Variants in SFXN4 observed in about 807,000 individuals in gnomAD.
SFXN4 encodes the protein sideroflexin-4.
In SFXN4, 48 loss-of-function variants were observed where a neutral mutation model predicts 54.6. That is an observed-to-expected ratio of 0.88 (90% CI 0.70 to 1.12). SFXN4 has a LOEUF of 1.12. Ranked by LOEUF, SFXN4 falls within the 50% of genes most tolerant of loss-of-function variation. The pLI, the probability that SFXN4 is intolerant of heterozygous loss-of-function variation, is 0.00. For missense variants in SFXN4, 383 were observed against 409.2 expected (o/e 0.94, Z 0.55); for synonymous variants, 130 against 145.5 (o/e 0.89, Z 0.77).
At chr10:119,150,935 T>C (rs1160685781) in intron 11 of SFXN4, among the ~76,000 whole-genome samples, 2 of 152,052 alleles carry the variant, frequency 1.3e-5, no homozygotes, top group Non-Finnish European at 2.9e-5. Context: ...GGAATACTAC[T>C]CAGCAATGAA....
chr10:119,146,159 TAAG>T (rs945521377), intron 13 of SFXN4, 74 bp downstream of exon 13: 2 of 841,364 alleles, frequency 2.4e-6, no homozygotes, highest in Non-Finnish European at 3.9e-6. Flanking sequence ...TGCAGAGTTT[TAAG>T]AAGAATAACT....
At chr10:119,144,184 T>C (rs189541345) in intron 13 of SFXN4, among the ~76,000 whole-genome samples, 72 of 152,232 alleles carry the variant, frequency 4.7e-4, no homozygotes, top group East Asian at 1.2e-3. Flanking sequence ...CAGCCGGGCG[T>C]GGTGGCTCAC....
chr10:119,160,511 G>C (rs1281273027), intron 5 of SFXN4, among the ~76,000 whole-genome samples: 3 of 51,276 alleles, frequency 5.9e-5, no homozygotes, highest in Non-Finnish European at 9.2e-5. Context: ...GCAAGACACT[G>C]TTTCAAAAAA....
intron 1 of SFXN4, 182 bp downstream of exon 1, chr10:119,165,355 G>A (rs1456492953): frequency 1.5e-6 from 2 of 1,310,498 alleles, no homozygotes; most frequent in Non-Finnish European, 9.7e-7. Context: ...TTTCCCCTGC[G>A]TCCCCTGCCG....
chr10:119,165,335 G>A, intron 1 of SFXN4: 1 of 1,295,958 alleles, frequency 7.7e-7, no homozygotes, highest in Non-Finnish European at 9.8e-7. Flanking sequence ...TGGGCATCTG[G>A]CAGCTTCGAT....
At chr10:119,150,081 C>A (rs761832616) in intron 11 of SFXN4, among the ~76,000 whole-genome samples, 4 of 152,010 alleles carry the variant, frequency 2.6e-5, no homozygotes, top group Non-Finnish European at 5.9e-5. Context: ...CTTCCAGGGA[C>A]AGGGAAGTGA....
At chr10:119,146,195 A>AG in intron 13 of SFXN4, 41 bp downstream of exon 13, 1 of 1,107,758 alleles carries the variant, frequency 9.0e-7, no homozygotes, top group East Asian at 2.4e-5. Context: ...CTAACTGCAA[A>AG]ATAAAAAACT....
chr10:119,165,250 CA>C (rs1337202617), intron 1 of SFXN4: 1 of 1,146,180 alleles, frequency 8.7e-7, no homozygotes, highest in East Asian at 5.6e-5. Flanking sequence ...AGCCACAGCT[CA>C]GGCAGTAGGG....
chr10:119,143,240 G>A (rs893794841), intron 13 of SFXN4, among the ~76,000 whole-genome samples: 2 of 152,046 alleles, frequency 1.3e-5, no homozygotes, highest in African/African-American at 2.4e-5. Flanking sequence ...GCAGCCTCAC[G>A]TGCCCATTCA....
intron 11 of SFXN4, among the ~76,000 whole-genome samples, chr10:119,153,774 C>A (rs995525467): frequency 6.6e-6 from 1 of 152,148 alleles, no homozygotes; most frequent in Non-Finnish European, 1.5e-5. Flanking sequence ...GTCAGCCTCA[C>A]GGGTCACCAT....
At chr10:119,161,561 T>C (rs140859926) in intron 3 of SFXN4, among the ~76,000 whole-genome samples, 332 of 152,056 alleles carry the variant, frequency 2.2e-3, no homozygotes, top group Non-Finnish European at 3.8e-3. Context: ...ATTTACCACA[T>C]TGACAGAACA....
At chr10:119,152,271 G>A (rs1340986238) in intron 11 of SFXN4, among the ~76,000 whole-genome samples, 1 of 150,534 alleles carries the variant, frequency 6.6e-6, no homozygotes, top group African/African-American at 2.4e-5. Flanking sequence ...TGCAGTCCCA[G>A]GTGGTTTTTG....
intron 12 of SFXN4, among the ~76,000 whole-genome samples, chr10:119,147,529 T>C (rs1466703177): frequency 2.0e-5 from 3 of 152,140 alleles, no homozygotes; most frequent in Non-Finnish European, 4.4e-5. Context: ...TGGAAGGTCC[T>C]TCGACACGCC....
chr10:119,141,796 C>T (rs1277242135), intron 13 of SFXN4, among the ~76,000 whole-genome samples: 1 of 152,164 alleles, frequency 6.6e-6, no homozygotes, highest in Non-Finnish European at 1.5e-5. Flanking sequence ...CTTAGGGAGG[C>T]TGAGGCAGGT....
intron 11 of SFXN4, among the ~76,000 whole-genome samples, chr10:119,151,194 C>G (rs868390205): frequency 2.7e-4 from 41 of 152,190 alleles, no homozygotes; most frequent in Middle Eastern, 6.8e-3. Flanking sequence ...ATGGTGAAAC[C>G]CCGTCTCTAC....
chr10:119,158,798 T>C (rs944892432), intron 6 of SFXN4, among the ~76,000 whole-genome samples: 1 of 150,730 alleles, frequency 6.6e-6, no homozygotes, highest in African/African-American at 2.4e-5. Flanking sequence ...GCCTGAGCAA[T>C]GTAGCAAGAC....
chr10:119,147,630 A>G, intron 12 of SFXN4, 145 bp downstream of exon 12: 1 of 650,052 alleles, frequency 1.5e-6, no homozygotes, highest in East Asian at 2.6e-5. Flanking sequence ...GCCACAATCA[A>G]TCCGCCTGTC....
Position 119,142,325 on chromosome 10 carries a change from T to C in SFXN4, c.937-1006A>G, listed in dbSNP as rs1055473228. ...ATCAAGCACCTCCCACACCCAGCAG[T>C]AGGATTTTTTTCCTTGAGTATTTTA... On this transcript the variant is annotated intron_variant, in intron 13 of 13. Transcript: ENST00000355697. Among the ~76,000 whole-genome samples, 3 of 152,094 alleles carry C rather than the reference T, an allele frequency of 2.0e-5. No homozygotes were observed. The East Asian group carries it at 5.8e-4, about 29-fold the overall frequency.
intron 11 of SFXN4, among the ~76,000 whole-genome samples, chr10:119,149,122 C>T (rs1178949288): frequency 1.3e-5 from 2 of 152,092 alleles, no homozygotes; most frequent in African/African-American, 4.8e-5. Flanking sequence ...CCTGGCCTCA[C>T]GCAATCCTCC....
Sources: allele counts gnomAD v4.1 joint callset (sites outside exome capture counted in the v4.1 genomes callset), GRCh38; gene constraint gnomAD v4.1.1; transcripts MANE v1.5; gene names NCBI Gene and HGNC (gene_info 2026-07-23, HGNC 2026-07-21).